The following ITGB8 variants were observed in gnomAD, a reference collection of about 807,000 sequenced individuals.
The protein encoded by ITGB8 is integrin beta-8.
Under a neutral mutation model 89.5 loss-of-function variants are expected in ITGB8, and 30 were observed. That is an observed-to-expected ratio of 0.34 (90% CI 0.25 to 0.45). The LOEUF (loss-of-function observed/expected upper bound fraction) is 0.45, where lower values mean the gene tolerates loss of function less well. Among genes scored for constraint, ITGB8 ranks in the 20% least tolerant of loss-of-function variants. The pLI is 1.00. For synonymous variants in ITGB8, 335 were observed against 320.4 expected (o/e 1.05, Z -0.49); for missense variants, 836 against 933.3 (o/e 0.90, Z 1.36).
At chr7:20,377,564 A>G (rs567956868) in intron 3 of ITGB8, among the ~76,000 whole-genome samples, 34 of 152,354 alleles carry the variant, frequency 2.2e-4, no homozygotes, top group African/African-American at 8.2e-4. Context: ...ATTGCAGAAC[A>G]CTGCCACAGG....
chr7:20,392,892 C>T (rs1786921163), intron 7 of ITGB8, among the ~76,000 whole-genome samples: 1 of 152,136 alleles, frequency 6.6e-6, no homozygotes, highest in Non-Finnish European at 1.5e-5. Flanking sequence ...AGGACTCTGG[C>T]CAAAATTAAA....
chr7:20,341,729 A>C (rs1202621408), intron 1 of ITGB8, among the ~76,000 whole-genome samples: 1 of 152,074 alleles, frequency 6.6e-6, no homozygotes, highest in Non-Finnish European at 1.5e-5. Flanking sequence ...ACAGTTGGCT[A>C]CTTGGGGGTC....
At chr7:20,344,777 A>G (rs770755468) in intron 1 of ITGB8, among the ~76,000 whole-genome samples, 16 of 152,200 alleles carry the variant, frequency 1.1e-4, no homozygotes, top group Non-Finnish European at 1.9e-4. Flanking sequence ...ACAGAAGTAA[A>G]CAGAAAGAGA....
chr7:20,339,328 T>C (rs1784678886), intron 1 of ITGB8, among the ~76,000 whole-genome samples: 2 of 152,188 alleles, frequency 1.3e-5, no homozygotes, highest in African/African-American at 4.8e-5. Context: ...AGCAGTGCCA[T>C]ACTATATTCA....
At chr7:20,329,769 A>T (rs1450972082), upstream of ITGB8, 1 of 152,094 alleles carries the variant, frequency 6.6e-6, no homozygotes, top group Non-Finnish European at 1.5e-5. Flanking sequence ...CTCGAATGGG[A>T]ATCGCTCCTG....
At chr7:20,333,931 A>G (rs913980993) in intron 1 of ITGB8, among the ~76,000 whole-genome samples, 7 of 152,188 alleles carry the variant, frequency 4.6e-5, no homozygotes, top group Non-Finnish European at 1.0e-4. Context: ...TGCAAATTAG[A>G]TGCTTAAAGC....
Position 20,339,976 on chromosome 7 carries a change from C to T in ITGB8, c.127+8043C>T, listed in dbSNP as rs188721952. ...CCGGGAGGCGGAGGTTGCAGTGAGC[C>T]GAGATTGTGCCACTGCACTCCAGTC... On this transcript the variant is annotated intron_variant, in intron 1 of 13. Transcript: ENST00000222573. Among the ~76,000 whole-genome samples the T allele has an allele frequency of 6.2e-4, 95 of 152,128 alleles. 1 individual carries two copies. The highest frequency in any genetic ancestry group is 2.0e-3 in the African/African-American group (83 of 41,496).
intron 1 of ITGB8, among the ~76,000 whole-genome samples, chr7:20,360,496 C>G (rs1562666299): frequency 6.6e-6 from 1 of 151,990 alleles, no homozygotes; most frequent in African/African-American, 2.4e-5. Context: ...TCCCTCAGCC[C>G]TCTCCCAAAC....
rs183925779 is a variant in ITGB8 at position 20,379,445 on chromosome 7, A to G, written c.635+148A>G. 1.5e-4 allele frequency: 58 copies of G among 380,144 alleles called. 1 individual carries two copies. In the East Asian group the frequency reaches 2.3e-3, roughly 15 times the overall value. 23.5% of individuals were successfully genotyped at this position (380,144 alleles called of 1,614,324 possible). Reference sequence around the variant, plus strand: ...TTTGGTGAGGTGGGGAGGTTTCTTCATATCTGAAAACTTCTGAGATGAACT... The same window carrying G: ...TTTGGTGAGGTGGGGAGGTTTCTTCGTATCTGAAAACTTCTGAGATGAACT... On this transcript the variant is annotated intron_variant, in intron 4 of 13. Transcript: ENST00000222573.
Position 20,331,802 on chromosome 7 carries a change from G to T in ITGB8, c.-5G>T. 1 of 1,612,268 alleles carries T rather than the reference G, an allele frequency of 6.2e-7. No individual in the cohort carries two copies. Among genetic ancestry groups the T allele is most frequent in the Non-Finnish European group, 8.5e-7 (1 of 1,179,818 alleles). ...CGGCGGGCGCGGGGCGGGCTGTTTT[G>T]CATTATGTGCGGCTCGGCCCTGGCT... On this transcript the variant is annotated 5_prime_UTR_variant, in exon 1 of 14. Transcript: ENST00000222573.
chr7:20,367,267 A>T (rs1169114752), intron 3 of ITGB8, 81 bp downstream of exon 3: 1 of 1,048,500 alleles, frequency 9.5e-7, no homozygotes, highest in East Asian at 2.4e-5. Context: ...TTTTAATATT[A>T]TGTGGCAGGC....
At chr7:20,329,935 C>T (rs1358201575), upstream of ITGB8, among the ~76,000 whole-genome samples, 1 of 152,188 alleles carries the variant, frequency 6.6e-6, no homozygotes, top group East Asian at 1.9e-4. Context: ...ATAACACCCG[C>T]ACCCTACTTG....
intron 6 of ITGB8, among the ~76,000 whole-genome samples, chr7:20,387,719 A>T (rs1291819817): frequency 6.6e-6 from 1 of 152,162 alleles, no homozygotes; most frequent in Admixed American, 6.6e-5. Context: ...TTTGTCAAAT[A>T]AAAAATATAT....
chr7:20,406,158 C>A lies in ITGB8; in HGVS notation c.2010C>A (p.Val670=). The part of the protein sequence containing the change: ...SCALMEQQHY[V]DQTSECFSSP... Reference sequence around the variant, plus strand: ...CTCTCATGGAACAACAGCATTATGTCGACCAAACTTCAGGTAGGCCAAAGC... The same window carrying A: ...CTCTCATGGAACAACAGCATTATGTAGACCAAACTTCAGGTAGGCCAAAGC... The change falls in exon 12 of 14, where the codon GTC becomes GTA. Residue 670 remains valine, a synonymous_variant. Transcript: ENST00000222573. The A allele has an allele frequency of 6.3e-7, 1 of 1,599,640 alleles. No homozygotes were observed. Among genetic ancestry groups the A allele is most frequent in the Non-Finnish European group, 8.6e-7 (1 of 1,166,888 alleles).
At chr7:20,359,853 G>A (rs1785433524) in intron 1 of ITGB8, among the ~76,000 whole-genome samples, 1 of 152,180 alleles carries the variant, frequency 6.6e-6, no homozygotes, top group South Asian at 2.1e-4. Context: ...AATGCTGCAT[G>A]CCAAAGTGTA....
intron 1 of ITGB8, among the ~76,000 whole-genome samples, chr7:20,348,474 T>C (rs377340423): frequency 6.6e-6 from 1 of 152,258 alleles, no homozygotes; most frequent in South Asian, 2.1e-4. Flanking sequence ...TTGAATTTGT[T>C]ATTTATTCTG....
chr7:20,405,330 T>A (rs180823123), intron 11 of ITGB8, among the ~76,000 whole-genome samples: 4,003 of 148,798 alleles, frequency 0.027, 158 homozygotes, highest in African/African-American at 0.085. Context: ...TATATATATT[T>A]TTTTTTTGTG....
intron 3 of ITGB8, chr7:20,377,297 T>A (rs935995157): frequency 6.6e-6 from 1 of 152,198 alleles, no homozygotes; most frequent in African/African-American, 2.4e-5. Flanking sequence ...CATGATACCA[T>A]GTGGCCGGTT....
intron 3 of ITGB8, among the ~76,000 whole-genome samples, chr7:20,367,498 C>T: frequency 6.6e-6 from 1 of 152,058 alleles, no homozygotes; most frequent in East Asian, 1.9e-4. Flanking sequence ...GTTTATTCCA[C>T]TCTCTTTTTC....
Sources: allele counts gnomAD v4.1 joint callset (sites outside exome capture counted in the v4.1 genomes callset), GRCh38; gene constraint gnomAD v4.1.1; transcripts MANE v1.5; gene names NCBI Gene and HGNC (gene_info 2026-07-23, HGNC 2026-07-21).